CEP126: variants seen among roughly 807,000 people sequenced by gnomAD.
CEP126 encodes the protein centrosomal protein 126, also known as centrosomal protein of 126 kDa.
A neutral mutation model predicts 107.8 loss-of-function variants in CEP126; 74 were observed. That is an observed-to-expected ratio of 0.69 (90% CI 0.57 to 0.83). The LOEUF (loss-of-function observed/expected upper bound fraction) is 0.83, where lower values mean the gene tolerates loss of function less well. Among genes scored for constraint, CEP126 ranks in the 40% least tolerant of loss-of-function variants. The pLI, the probability that CEP126 is intolerant of heterozygous loss-of-function variation, is 0.00. For missense variants in CEP126, 1,237 were observed against 1,281.9 expected (o/e 0.96, Z 0.53); for synonymous variants, 449 against 446.0 (o/e 1.01, Z -0.08).
At chr11:101,970,764 A>G (rs1449057652) in intron 6 of CEP126, among the ~76,000 whole-genome samples, 2 of 152,212 alleles carry the variant, frequency 1.3e-5, no homozygotes, top group Non-Finnish European at 2.9e-5. Flanking sequence ...TTATGTTCCA[A>G]TCACTATTTA....
chr11:101,940,799 C>G (rs1485082762), intron 2 of CEP126, among the ~76,000 whole-genome samples: 7 of 152,140 alleles, frequency 4.6e-5, no homozygotes, highest in Non-Finnish European at 8.8e-5. Context: ...TAGATGGGGT[C>G]TGGCTTTTCC....
Position 101,944,414 on chromosome 11 carries a change from C to G in CEP126, c.394+4C>G. ...CTTTCACAGCGGAGGAAAGCAGGTG[C>G]CTTAATTTCTAGAACAGTATGAGAA... On this transcript the variant is annotated splice_donor_region_variant and intron_variant, in intron 3 of 10. Transcript: ENST00000263468. 6.2e-7 allele frequency: 1 copy of G among 1,606,390 alleles called. No individual in the cohort carries two copies. Among genetic ancestry groups the G allele is most frequent in the African/African-American group, 1.3e-5 (1 of 74,396 alleles).
At chr11:101,979,090 T>C (rs1370124962) in intron 7 of CEP126, among the ~76,000 whole-genome samples, 1 of 151,714 alleles carries the variant, frequency 6.6e-6, no homozygotes. Context: ...TGAGGTCGCA[T>C]CATTGCACTC....
At chr11:101,917,028 A>G (rs1250495686) in intron 1 of CEP126, among the ~76,000 whole-genome samples, 9 of 136,052 alleles carry the variant, frequency 6.6e-5, no homozygotes, top group African/African-American at 1.4e-4. Flanking sequence ...AAATCCAACA[A>G]TGTGTGTGTG....
rs1448186294 is a variant in CEP126, at chr11:101,948,049, C to T, written c.413C>T (p.Pro138Leu). Reference sequence around the variant, plus strand: ...TCTTTAGTTTCCCGAAAACCAGTTCCTCCATTAGAAGAGGCCCTCAAACAA... The same window carrying T: ...TCTTTAGTTTCCCGAAAACCAGTTCTTCCATTAGAAGAGGCCCTCAAACAA... ...RRKAVSRKPV[P>L]PLEEALKQIQ... The change falls in exon 4 of 11, where the codon CCT becomes CTT. Residue 138 changes from proline to leucine, a missense_variant. Physicochemically the swap from Pro to Leu is moderately conservative, Grantham distance 98. Transcript: ENST00000263468. 6.2e-7 allele frequency: 1 copy of T among 1,609,760 alleles called. No individual in the cohort carries two copies. Among genetic ancestry groups the T allele is most frequent in the Non-Finnish European group, 8.5e-7 (1 of 1,177,134 alleles).
intron 2 of CEP126, among the ~76,000 whole-genome samples, chr11:101,927,867 T>C (rs1453912823): frequency 1.3e-5 from 2 of 152,210 alleles, no homozygotes; most frequent in African/African-American, 4.8e-5. Flanking sequence ...AACATTCACA[T>C]ACAGGTTTTT....
Position 101,948,036 on chromosome 11 carries a change from C to A in CEP126, c.400C>A (p.Arg134=), listed in dbSNP as rs1244132567. Residue 134 remains arginine, a synonymous_variant, in exon 4 of 11, where the codon CGA becomes AGA. Coordinates refer to ENST00000263468, the MANE Select transcript of CEP126 (RefSeq NM_020802.4). ...GGTCTTTATTATCTCTTTAGTTTCC[C>A]GAAAACCAGTTCCTCCATTAGAAGA... is the stretch of plus-strand genomic sequence containing the variant. The part of the protein sequence containing the change: ...PLSQRRKAVS[R]KPVPPLEEAL... The A allele has an allele frequency of 8.1e-6, 13 of 1,603,900 alleles. No homozygotes were observed. The highest frequency in any genetic ancestry group is 1.0e-5 in the Non-Finnish European group (12 of 1,172,356).
intron 3 of CEP126, among the ~76,000 whole-genome samples, chr11:101,944,615 T>A (rs1054485989): frequency 1.3e-5 from 2 of 152,192 alleles, no homozygotes; most frequent in Non-Finnish European, 2.9e-5. Flanking sequence ...TATTACTAAA[T>A]TCTGAAACTC....
intron 2 of CEP126, among the ~76,000 whole-genome samples, chr11:101,924,846 G>C (rs1381965419): frequency 6.6e-6 from 1 of 152,124 alleles, no homozygotes; most frequent in African/African-American, 2.4e-5. Flanking sequence ...TATGTGTCCA[G>C]CAGAAGTCAA....
chr11:101,954,940 A>C (rs1940864463), intron 4 of CEP126, among the ~76,000 whole-genome samples: 1 of 152,172 alleles, frequency 6.6e-6, no homozygotes, highest in Admixed American at 6.5e-5. Context: ...TTTTCAGTGG[A>C]ATGTAAACCT....
chr11:101,967,562 A>C (rs1353886390), intron 6 of CEP126, among the ~76,000 whole-genome samples: 1 of 152,096 alleles, frequency 6.6e-6, no homozygotes, highest in Non-Finnish European at 1.5e-5. Flanking sequence ...TATCTCGTAA[A>C]TTCACTGTCT....
intron 4 of CEP126, among the ~76,000 whole-genome samples, chr11:101,954,874 T>C (rs2137105029): frequency 6.6e-6 from 1 of 152,270 alleles, no homozygotes; most frequent in East Asian, 1.9e-4. Context: ...TTTTTATTTA[T>C]TGAAAATGTA....
chr11:101,932,293 A>AGTT (rs1249672162), intron 2 of CEP126, among the ~76,000 whole-genome samples: 2 of 152,196 alleles, frequency 1.3e-5, no homozygotes, highest in Non-Finnish European at 1.5e-5. Context: ...TCAGGAGTAG[A>AGTT]AATGTCTGCT....
At chr11:101,952,231 TGAGAAG>T (rs1184104760) in intron 4 of CEP126, among the ~76,000 whole-genome samples, 1 of 152,136 alleles carries the variant, frequency 6.6e-6, no homozygotes, top group African/African-American at 2.4e-5. Flanking sequence ...ATGTGTACAG[TGAGAAG>T]AGAGTTGTGG....
chr11:101,945,078 C>T (rs1300809866), intron 3 of CEP126, among the ~76,000 whole-genome samples: 2 of 152,086 alleles, frequency 1.3e-5, no homozygotes, highest in Non-Finnish European at 2.9e-5. Context: ...GATCTCACAA[C>T]CTGTTTTGGA....
chr11:101,992,603 C>T (rs1941398107), intron 9 of CEP126, among the ~76,000 whole-genome samples, 175 bp from the exon 10 acceptor site: 2 of 151,924 alleles, frequency 1.3e-5, no homozygotes, highest in African/African-American at 2.4e-5. Context: ...AAATTACTTC[C>T]ACTTTTGGAC....
intron 3 of CEP126, among the ~76,000 whole-genome samples, chr11:101,947,429 A>G (rs1940751846): frequency 6.6e-6 from 1 of 152,168 alleles, no homozygotes; most frequent in African/African-American, 2.4e-5. Flanking sequence ...ACCAAAGTGC[A>G]CAGTGGAAGG....
At chr11:101,984,015 T>C (rs1941288153) in intron 8 of CEP126, among the ~76,000 whole-genome samples, 1 of 152,242 alleles carries the variant, frequency 6.6e-6, no homozygotes, top group African/African-American at 2.4e-5. Context: ...CTTTGACAAC[T>C]GTTCTTTTCA....
chr11:101,924,438 CTG>C (rs34042050), intron 2 of CEP126, among the ~76,000 whole-genome samples: 126 of 149,274 alleles, frequency 8.4e-4, no homozygotes, highest in Non-Finnish European at 1.1e-3. Context: ...TGTTTTGGGG[CTG>C]TGTGTGTGTG....
Sources: gnomAD v4.1 joint callset for allele counts (sites outside exome capture counted in the v4.1 genomes callset) on GRCh38, gnomAD v4.1.1 for gene constraint, MANE v1.5 for transcripts, NCBI Gene and HGNC (gene_info 2026-07-23, HGNC 2026-07-21) for gene names.